The following SLC44A1 variants were observed in gnomAD, a reference collection of about 807,000 sequenced individuals.
SLC44A1 encodes the protein choline transporter-like protein 1.
Under a neutral mutation model 79.3 loss-of-function variants are expected in SLC44A1, and 26 were observed. That is an observed-to-expected ratio of 0.33 (90% CI 0.24 to 0.46). The LOEUF is 0.46. Ranked by LOEUF, SLC44A1 falls within the 20% of genes least tolerant of loss-of-function variation. The pLI, the probability that SLC44A1 is intolerant of heterozygous loss-of-function variation, is 1.00. For missense variants in SLC44A1, 688 were observed against 798.1 expected (o/e 0.86, Z 1.66); for synonymous variants, 263 against 286.2 (o/e 0.92, Z 0.82).
intron 1 of SLC44A1, among the ~76,000 whole-genome samples, chr9:105,296,267 A>G (rs1358676963): frequency 1.3e-5 from 2 of 152,134 alleles, no homozygotes; most frequent in African/African-American, 4.8e-5. Context: ...ATACTACTTA[A>G]GACTCTGTCA....
chr9:105,310,450 C>G (rs1255261393), intron 3 of SLC44A1, among the ~76,000 whole-genome samples: 1 of 151,888 alleles, frequency 6.6e-6, no homozygotes, highest in Non-Finnish European at 1.5e-5. Flanking sequence ...TTTTTAATAC[C>G]TGTAGGGAAA....
chr9:105,266,130 A>G (rs1314577344), intron 1 of SLC44A1, among the ~76,000 whole-genome samples: 1 of 151,824 alleles, frequency 6.6e-6, no homozygotes, highest in Non-Finnish European at 1.5e-5. Context: ...GCTAATTTTT[A>G]TTTATTTTTT....
intron 1 of SLC44A1, among the ~76,000 whole-genome samples, chr9:105,279,484 A>G (rs867623597): frequency 1.9e-4 from 29 of 151,860 alleles, no homozygotes; most frequent in African/African-American, 6.3e-4. Flanking sequence ...TGCCCAGCTC[A>G]TTTTTGTATT....
At chr9:105,297,859 G>A (rs949499850) in intron 1 of SLC44A1, among the ~76,000 whole-genome samples, 7 of 152,108 alleles carry the variant, frequency 4.6e-5, no homozygotes, top group Admixed American at 1.3e-4. Flanking sequence ...CTTTCCTCCT[G>A]ACAAGACTTT....
At chr9:105,286,870 G>T (rs1830491107) in intron 1 of SLC44A1, among the ~76,000 whole-genome samples, 1 of 152,134 alleles carries the variant, frequency 6.6e-6, no homozygotes. Context: ...AGGCTAAGGT[G>T]GGAGGATTAC....
intron 1 of SLC44A1, among the ~76,000 whole-genome samples, chr9:105,291,252 G>A (rs973180855): frequency 1.3e-5 from 2 of 152,210 alleles, no homozygotes; most frequent in African/African-American, 2.4e-5. Context: ...GAAGCAGTAT[G>A]TCCTTGGAGG....
intron 13 of SLC44A1, 121 bp from the exon 14 acceptor site, chr9:105,383,002 A>G (rs537003634): frequency 1.5e-6 from 1 of 671,524 alleles, no homozygotes; most frequent in Non-Finnish European, 2.6e-6. Flanking sequence ...CTCATTTGAG[A>G]TGGAATGGCC....
intron 15 of SLC44A1, among the ~76,000 whole-genome samples, chr9:105,425,594 G>A (rs568917943): frequency 2.6e-5 from 4 of 152,088 alleles, no homozygotes; most frequent in East Asian, 1.9e-4. Context: ...AGGTCGAGGC[G>A]GGCAGATCAC....
intron 1 of SLC44A1, among the ~76,000 whole-genome samples, chr9:105,291,821 C>T (rs1036620400): frequency 6.6e-6 from 1 of 152,310 alleles, no homozygotes; most frequent in Admixed American, 6.5e-5. Flanking sequence ...GGCCTGCCAG[C>T]TTAACTCTCC....
At chr9:105,356,143 G>T in intron 5 of SLC44A1, 69 bp from the exon 6 acceptor site, 1 of 1,181,576 alleles carries the variant, frequency 8.5e-7, no homozygotes, top group Non-Finnish European at 1.3e-6. Flanking sequence ...TTTCATTTGT[G>T]TGTTTGATGT....
chr9:105,371,749 GCAGGC>G (rs1828111260), intron 12 of SLC44A1, among the ~76,000 whole-genome samples: 1 of 150,782 alleles, frequency 6.6e-6, no homozygotes, highest in South Asian at 2.1e-4. Context: ...AAAGTAATTG[GCAGGC>G]CAGATATGGC....
intron 6 of SLC44A1, among the ~76,000 whole-genome samples, chr9:105,356,989 G>T (rs1302204945): frequency 6.6e-6 from 1 of 152,026 alleles, no homozygotes; most frequent in Non-Finnish European, 1.5e-5. Context: ...AGAATGTATA[G>T]GCCTTCTTAG....
At chr9:105,283,416 C>T (rs1260526467) in intron 1 of SLC44A1, among the ~76,000 whole-genome samples, 1 of 152,168 alleles carries the variant, frequency 6.6e-6, no homozygotes. Context: ...TGTGAAGAGG[C>T]GCTCTGCTAA....
At chr9:105,339,931 A>T (rs1283953405) in intron 4 of SLC44A1, among the ~76,000 whole-genome samples, 1 of 152,250 alleles carries the variant, frequency 6.6e-6, no homozygotes, top group East Asian at 1.9e-4. Context: ...TACAACTTGC[A>T]TGAAAATTGA....
chr9:105,369,359 C>T (rs575858950), intron 12 of SLC44A1, among the ~76,000 whole-genome samples: 28 of 152,256 alleles, frequency 1.8e-4, no homozygotes, highest in Non-Finnish European at 2.9e-4. Context: ...AGAGATGGTG[C>T]TTTCTTGCTG....
chr9:105,270,068 A>G (rs1830043506), intron 1 of SLC44A1, among the ~76,000 whole-genome samples: 1 of 152,162 alleles, frequency 6.6e-6, no homozygotes, highest in African/African-American at 2.4e-5. Context: ...GTTAAAATTT[A>G]TTGAAAAAAA....
Position 105,356,232 on chromosome 9 carries a change from A to T in SLC44A1, c.521A>T (p.His174Leu). 6.2e-7 allele frequency: 1 copy of T among 1,612,832 alleles called. No homozygotes were observed. The highest frequency in any genetic ancestry group is 8.5e-7 in the Non-Finnish European group (1 of 1,179,616). Residue 174 changes from histidine (H) to leucine (L), a missense_variant, in exon 6 of 16, where the codon CAT (histidine) becomes CTT (leucine). His to Leu is a moderately conservative substitution (Grantham distance 99). Coordinates refer to ENST00000374720, the MANE Select transcript of SLC44A1 (RefSeq NM_080546.5). ...VPASAPIPFF[H>L]RCAPVNISCY... ...ACCAGTGCACCTATTCCATTCTTCC[A>T]TCGCTGTGCTCCTGTGAACATTTCC... is the stretch of plus-strand genomic sequence containing the variant.
chr9:105,319,734 A>G (rs1267485166), intron 3 of SLC44A1, among the ~76,000 whole-genome samples: 1 of 152,240 alleles, frequency 6.6e-6, no homozygotes, highest in Non-Finnish European at 1.5e-5. Flanking sequence ...ATTAACTCCC[A>G]GAAGTGAAGG....
Position 105,390,774 on chromosome 9 carries a change from T to G in SLC44A1, c.*1718T>G. ...AGAATATTTGCAATAAGAGTCTGGA[T>G]TTTAAAAAACACATGCATACACACA... On this transcript the variant is annotated 3_prime_UTR_variant, in exon 16 of 16. Coordinates refer to ENST00000374720, the MANE Select transcript of SLC44A1 (RefSeq NM_080546.5). The G allele has an allele frequency of 2.0e-6, 2 of 985,506 alleles. No individual in the cohort carries two copies. Among genetic ancestry groups the G allele is most frequent in the Non-Finnish European group, 2.4e-6 (2 of 829,694 alleles). The allele number at this position is 985,506 out of a possible 1,614,324, so 61.0% of individuals were successfully genotyped here.
Sources: gnomAD v4.1 joint callset for allele counts (sites outside exome capture counted in the v4.1 genomes callset) on GRCh38, gnomAD v4.1.1 for gene constraint, MANE v1.5 for transcripts, NCBI Gene and HGNC (gene_info 2026-07-23, HGNC 2026-07-21) for gene names.